CHD9: variants seen among roughly 807,000 people sequenced by gnomAD.
The protein encoded by CHD9 is chromodomain helicase DNA binding protein 9.
A neutral mutation model predicts 316.1 loss-of-function variants in CHD9; 77 were observed. The observed-to-expected ratio is 0.24, with a 90% CI of 0.20 to 0.29. The LOEUF (loss-of-function observed/expected upper bound fraction) is 0.29, where lower values mean the gene tolerates loss of function less well. CHD9 is among the 10% of genes least tolerant of loss of function. The pLI is 1.00. For missense variants in CHD9, 2,763 were observed against 3,438.1 expected, an observed-to-expected ratio of 0.80 and a Z score of 4.91; for synonymous variants, 1,129 against 1,158.3, an observed-to-expected ratio of 0.97 and a Z score of 0.51.
intron 1 of CHD9, among the ~76,000 whole-genome samples, chr16:53,098,470 C>T (rs1596978309): frequency 7.8e-6 from 1 of 127,510 alleles, no homozygotes; most frequent in South Asian, 2.6e-4. Context: ...AGTGAGACTC[C>T]GTCTCAAAAA....
At chr16:53,308,141 A>G (rs980304474) in intron 33 of CHD9, among the ~76,000 whole-genome samples, 188 bp downstream of exon 33, 2 of 152,152 alleles carry the variant, frequency 1.3e-5, no homozygotes, top group African/African-American at 4.8e-5. Context: ...GTCATTAAAT[A>G]TGTTTTTCTC....
At position 53,206,171 on chromosome 16, in the gene CHD9, T is replaced by C. The variant is rs556872025; in HGVS notation, c.1453-3311T>C. Among the ~76,000 whole-genome samples the C allele has an allele frequency of 3.9e-5, 6 of 152,216 alleles. No homozygotes were observed. The South Asian group carries it at 1.2e-3, about 32-fold the overall frequency. On this transcript the variant is annotated intron_variant, in intron 2 of 38. Transcript: ENST00000447540. ...TTCCTCCATGTTGGTCAGGCTGGTC[T>C]CGAACTCCCGACCTCAGGTGATCCG...
At chr16:53,104,940 C>G (rs891830243) in intron 1 of CHD9, among the ~76,000 whole-genome samples, 1 of 151,844 alleles carries the variant, frequency 6.6e-6, no homozygotes, top group African/African-American at 2.4e-5. Flanking sequence ...CCCAAGCTGT[C>G]TTGCTGCCTC....
At chr16:53,263,132 T>C in intron 20 of CHD9, 35 bp downstream of exon 20, 1 of 1,453,414 alleles carries the variant, frequency 6.9e-7, no homozygotes, top group Middle Eastern at 1.8e-4. Context: ...TAAACTTGCT[T>C]TTGGGATACT....
At chr16:53,298,586 C>T (rs1217812946) in intron 30 of CHD9, 1 of 152,344 alleles carries the variant, frequency 6.6e-6, no homozygotes, top group Non-Finnish European at 1.5e-5. Context: ...GCCAGGAGGT[C>T]GAGGCTGCAG....
chr16:53,300,086 G>A (rs937076628), intron 30 of CHD9, among the ~76,000 whole-genome samples: 1 of 152,236 alleles, frequency 6.6e-6, no homozygotes, highest in African/African-American at 2.4e-5. Flanking sequence ...CAGCGCAGTG[G>A]CTCACGCCTG....
intron 1 of CHD9, among the ~76,000 whole-genome samples, chr16:53,061,049 C>T (rs964817074): frequency 1.3e-5 from 2 of 150,016 alleles, no homozygotes; most frequent in African/African-American, 4.9e-5. Flanking sequence ...GCCTCAGTTT[C>T]CCAAGTAGCT....
intron 2 of CHD9, among the ~76,000 whole-genome samples, chr16:53,186,059 C>T (rs2043974949): frequency 6.6e-6 from 1 of 152,200 alleles, no homozygotes. Flanking sequence ...CCTAGTGGAG[C>T]TGTGAGAAGA....
chr16:53,109,906 G>T (rs1194294775), intron 1 of CHD9, among the ~76,000 whole-genome samples: 1 of 149,166 alleles, frequency 6.7e-6, no homozygotes, highest in Admixed American at 6.7e-5. Flanking sequence ...GGATGGTCTC[G>T]ATCTCCTGAT....
chr16:53,274,823 GCGGCT>G (rs1014682113), intron 24 of CHD9, among the ~76,000 whole-genome samples: 20 of 152,192 alleles, frequency 1.3e-4, no homozygotes, highest in South Asian at 1.0e-3. Context: ...TGTATGTTAG[GCGGCT>G]CCTTAGTCTG....
chr16:53,258,173 C>A (rs1316414155), intron 19 of CHD9, among the ~76,000 whole-genome samples: 1 of 152,030 alleles, frequency 6.6e-6, no homozygotes, highest in Non-Finnish European at 1.5e-5. Context: ...AGCTGAGTGA[C>A]CTTGAACAAT....
At chr16:53,113,505 G>A (rs371107189) in intron 1 of CHD9, among the ~76,000 whole-genome samples, 2 of 151,574 alleles carry the variant, frequency 1.3e-5, no homozygotes, top group African/African-American at 2.4e-5. Flanking sequence ...TAGAGACGGG[G>A]TTTCACCATG....
chr16:53,255,807 T>C (rs1476784650), intron 19 of CHD9, 28 bp downstream of exon 19: 2 of 1,596,656 alleles, frequency 1.3e-6, no homozygotes, highest in African/African-American at 1.3e-5. Flanking sequence ...TTTATTAACA[T>C]AGCAGTGATG....
At chr16:53,232,227 C>A (rs989051774) in intron 10 of CHD9, among the ~76,000 whole-genome samples, 1 of 152,102 alleles carries the variant, frequency 6.6e-6, no homozygotes, top group Non-Finnish European at 1.5e-5. Context: ...GAAACAGAAG[C>A]GTCACCTAAT....
intron 4 of CHD9, among the ~76,000 whole-genome samples, chr16:53,225,518 G>A (rs1473666915): frequency 6.6e-6 from 1 of 151,934 alleles, no homozygotes; most frequent in African/African-American, 2.4e-5. Context: ...TAAAACTTTT[G>A]AAACAAATAT....
chr16:53,080,520 C>G (rs934281494), intron 1 of CHD9, among the ~76,000 whole-genome samples: 3 of 152,164 alleles, frequency 2.0e-5, no homozygotes, highest in Non-Finnish European at 4.4e-5. Flanking sequence ...CCCAAGTAAG[C>G]TGGGCTTTTT....
At chr16:53,082,864 G>A (rs7206888) in intron 1 of CHD9, among the ~76,000 whole-genome samples, 2,023 of 152,284 alleles carry the variant, frequency 0.013, 49 homozygotes, top group African/African-American at 0.047. Context: ...TCTCTGCCCT[G>A]TCAGGTAAGC....
chr16:53,311,408 G>A (rs1261226034), intron 34 of CHD9: 2 of 152,100 alleles, frequency 1.3e-5, no homozygotes. Flanking sequence ...GACAGAGATG[G>A]CATTGTTAGA....
intron 24 of CHD9, among the ~76,000 whole-genome samples, chr16:53,278,293 C>T (rs983821425): frequency 6.6e-6 from 1 of 152,088 alleles, no homozygotes; most frequent in Non-Finnish European, 1.5e-5. Flanking sequence ...AAAGAGCCTG[C>T]ATAGCCAAAG....
Sources: allele counts gnomAD v4.1 joint callset (sites outside exome capture counted in the v4.1 genomes callset), GRCh38; gene constraint gnomAD v4.1.1; transcripts MANE v1.5; gene names NCBI Gene and HGNC (gene_info 2026-07-23, HGNC 2026-07-21).